The following PCDH9 variants were observed in gnomAD, a reference collection of about 807,000 sequenced individuals.
PCDH9 encodes protocadherin-9.
In PCDH9, 24 loss-of-function variants were observed where a neutral mutation model predicts 70.6. That is an observed-to-expected ratio of 0.34 (90% CI 0.25 to 0.48). The LOEUF (loss-of-function observed/expected upper bound fraction) is 0.48, where lower values mean the gene tolerates loss of function less well. Ranked by LOEUF, PCDH9 falls within the 20% of genes least tolerant of loss-of-function variation. The pLI, the probability that PCDH9 is intolerant of heterozygous loss-of-function variation, is 0.99. For synonymous variants in PCDH9, 562 were observed against 558.5 expected (o/e 1.01, Z -0.09); for missense variants, 1,281 against 1,503.6 (o/e 0.85, Z 2.45).
intron 3 of PCDH9, among the ~76,000 whole-genome samples, chr13:66,667,884 A>G (rs1797520875): frequency 6.6e-6 from 1 of 152,192 alleles, no homozygotes; most frequent in Non-Finnish European, 1.5e-5. Flanking sequence ...AGTAGTGGGG[A>G]AAAAACCTGC....
chr13:66,445,119 T>G (rs1424848851), intron 4 of PCDH9, among the ~76,000 whole-genome samples: 1 of 147,342 alleles, frequency 6.8e-6, no homozygotes, highest in Non-Finnish European at 1.5e-5. Flanking sequence ...TATATAATTT[T>G]ATTGTATTAT....
intron 2 of PCDH9, among the ~76,000 whole-genome samples, chr13:67,073,448 G>T (rs1234008855): frequency 6.6e-6 from 1 of 151,916 alleles, no homozygotes; most frequent in East Asian, 1.9e-4. Context: ...ACATGAGGCT[G>T]CTTAAAGTTG....
chr13:66,804,715 A>G (rs2080384653), intron 3 of PCDH9, among the ~76,000 whole-genome samples: 1 of 152,096 alleles, frequency 6.6e-6, no homozygotes, highest in African/African-American at 2.4e-5. Flanking sequence ...TACTTATTTC[A>G]TTTTCTGCAA....
At chr13:66,522,323 G>T (rs1960032024) in intron 4 of PCDH9, among the ~76,000 whole-genome samples, 1 of 151,920 alleles carries the variant, frequency 6.6e-6, no homozygotes, top group Non-Finnish European at 1.5e-5. Context: ...GTATGGAAAA[G>T]GGGAATCTGA....
chr13:67,085,289 T>C (rs1242625027), intron 2 of PCDH9, among the ~76,000 whole-genome samples: 2 of 151,588 alleles, frequency 1.3e-5, no homozygotes, highest in South Asian at 4.2e-4. Context: ...TTTTATAATC[T>C]CTACAGGAAG....
intron 2 of PCDH9, among the ~76,000 whole-genome samples, chr13:67,145,741 C>A (rs1040724854): frequency 6.6e-6 from 1 of 151,728 alleles, no homozygotes; most frequent in Non-Finnish European, 1.5e-5. Flanking sequence ...GCAAATTACT[C>A]CTAGATGGTT....
At chr13:67,093,096 T>C (rs2086251288) in intron 2 of PCDH9, among the ~76,000 whole-genome samples, 1 of 152,100 alleles carries the variant, frequency 6.6e-6, no homozygotes, top group South Asian at 2.1e-4. Flanking sequence ...TTAAAGGACA[T>C]AGCTATAAAG....
intron 4 of PCDH9, among the ~76,000 whole-genome samples, chr13:66,422,874 T>G (rs1298728014): frequency 6.6e-6 from 1 of 152,076 alleles, no homozygotes; most frequent in African/African-American, 2.4e-5. Context: ...CAGGAGCTGG[T>G]TTTTTGAAAA....
chr13:66,429,431 T>TTTTG (rs1555292586), intron 4 of PCDH9, among the ~76,000 whole-genome samples: 1 of 242 alleles, frequency 4.1e-3, no homozygotes, highest in African/African-American at 4.8e-3. Flanking sequence ...ATTTTTTCTG[T>TTTTG]TTTTTTTTTT....
At chr13:67,044,147 T>C (rs944945262) in intron 2 of PCDH9, among the ~76,000 whole-genome samples, 3 of 152,112 alleles carry the variant, frequency 2.0e-5, no homozygotes, top group African/African-American at 7.2e-5. Flanking sequence ...GAGTCACAGA[T>C]ACTAGGCAGA....
At chr13:66,498,847 T>C (rs1959157622) in intron 4 of PCDH9, among the ~76,000 whole-genome samples, 1 of 151,896 alleles carries the variant, frequency 6.6e-6, no homozygotes, top group African/African-American at 2.4e-5. Flanking sequence ...AGTTTTTCTC[T>C]TAAGTTCATT....
At chr13:67,034,583 T>C (rs1446761918) in intron 2 of PCDH9, among the ~76,000 whole-genome samples, 1 of 152,092 alleles carries the variant, frequency 6.6e-6, no homozygotes, top group Non-Finnish European at 1.5e-5. Context: ...CCACACATGA[T>C]AGAACCAACT....
At chr13:66,488,407 T>A (rs1375240548) in intron 4 of PCDH9, among the ~76,000 whole-genome samples, 3 of 152,120 alleles carry the variant, frequency 2.0e-5, no homozygotes, top group African/African-American at 7.2e-5. Flanking sequence ...ATGAGTGCCC[T>A]AGAAAATCAA....
intron 4 of PCDH9, among the ~76,000 whole-genome samples, chr13:66,532,792 T>C (rs1387248998): frequency 3.9e-5 from 6 of 152,132 alleles, no homozygotes; most frequent in African/African-American, 7.2e-5. Flanking sequence ...CTTACTTCCA[T>C]GTCTTACTAG....
At chr13:67,130,163 G>C (rs958960030) in intron 2 of PCDH9, among the ~76,000 whole-genome samples, 1 of 152,096 alleles carries the variant, frequency 6.6e-6, no homozygotes, top group Non-Finnish European at 1.5e-5. Context: ...TTATGAATGA[G>C]CATTTTCACT....
chr13:67,216,752 CT>C (rs1211384063), intron 2 of PCDH9: 1 of 138,022 alleles, frequency 7.2e-6, no homozygotes, highest in African/African-American at 2.6e-5. Context: ...TATTACATCA[CT>C]TTAAAATCCA....
At chr13:66,632,815 ATAT>A (rs879320194) in intron 3 of PCDH9, among the ~76,000 whole-genome samples, 45 of 152,108 alleles carry the variant, frequency 3.0e-4, no homozygotes, top group Admixed American at 9.8e-4. Flanking sequence ...ACCATGCTAC[ATAT>A]GACCACTTAA....
At chr13:66,658,281 T>C (rs9540860) in intron 3 of PCDH9, among the ~76,000 whole-genome samples, 14,958 of 152,174 alleles carry the variant, frequency 0.098, 756 homozygotes, top group Middle Eastern at 0.12. Flanking sequence ...TTGTAAGTAA[T>C]GTTTATATCT....
At chr13:67,084,856 A>T (rs1273276884) in intron 2 of PCDH9, among the ~76,000 whole-genome samples, 1 of 148,914 alleles carries the variant, frequency 6.7e-6, no homozygotes, top group African/African-American at 2.5e-5. Context: ...AGTCCCAGCT[A>T]CTCAGGAGGC....
Sources: gnomAD v4.1 joint callset for allele counts (sites outside exome capture counted in the v4.1 genomes callset) on GRCh38, gnomAD v4.1.1 for gene constraint, MANE v1.5 for transcripts, NCBI Gene and HGNC (gene_info 2026-07-23, HGNC 2026-07-21) for gene names.